Variants in ACSM5 observed in about 807,000 individuals in gnomAD.
ACSM5 encodes the protein acyl-coenzyme A synthetase ACSM5, mitochondrial.
A neutral mutation model predicts 71.6 loss-of-function variants in ACSM5; 56 were observed. The ratio of observed to expected loss-of-function variants is 0.78; its 90% CI spans 0.63 to 0.98. The LOEUF is 0.98. ACSM5 is among the 50% of genes least tolerant of loss of function. ACSM5 has a pLI of 0.00. For missense variants in ACSM5, 723 were observed against 726.0 expected (o/e 1.00, Z 0.05); for synonymous variants, 285 against 281.5 (o/e 1.01, Z -0.12).
chr16:20,418,909 G>T (rs186913049), intron 3 of ACSM5, among the ~76,000 whole-genome samples: 1 of 152,166 alleles, frequency 6.6e-6, no homozygotes, highest in Non-Finnish European at 1.5e-5. Context: ...CTTGCAGGAG[G>T]TTAGGGGGAC....
chr16:20,414,336 T>TCCTGG (rs1340672698), intron 2 of ACSM5, among the ~76,000 whole-genome samples: 1 of 152,122 alleles, frequency 6.6e-6, no homozygotes, highest in African/African-American at 2.4e-5. Flanking sequence ...TAAGGTACCC[T>TCCTGG]ATGAGAAGGC....
At chr16:20,421,615 CTATATATATATATATA>C (rs59443556) in intron 5 of ACSM5, among the ~76,000 whole-genome samples, 26 of 105,816 alleles carry the variant, frequency 2.5e-4, no homozygotes, top group Admixed American at 6.0e-4. Flanking sequence ...TAAATCGTGG[CTATATATATATATATA>C]TATATATATA....
At chr16:20,436,112 T>TTCTTTCTCTC (rs371412424) in intron 10 of ACSM5, among the ~76,000 whole-genome samples, 1 of 141,516 alleles carries the variant, frequency 7.1e-6, no homozygotes, top group Non-Finnish European at 1.5e-5. Flanking sequence ...TTCTTTCTTT[T>TTCTTTCTCTC]TCTCTTTCTT....
Position 20,423,950 on chromosome 16 carries a change from T to G in ACSM5, c.802T>G (p.Trp268Gly), listed in dbSNP as rs1567343268. ...WVALTESDIF[W>G]NTTDTGWVKA... The stretch of plus-strand genomic sequence containing the variant: ...GGCCTTGACCGAATCTGACATCTTC[T>G]GGAACACGACTGACACTGGCTGGGT... Residue 268 changes from tryptophan to glycine, a missense_variant, in exon 6 of 14, where the codon TGG (tryptophan) becomes GGG (glycine). By Grantham distance (184) the Trp-to-Gly change is radical. Transcript: ENST00000331849. 1.2e-6 allele frequency: 2 copies of G among 1,614,208 alleles called. No homozygotes were observed. The highest frequency in any genetic ancestry group is 1.7e-6 in the Non-Finnish European group (2 of 1,180,016).
At chr16:20,419,096 A>G (rs942129668) in intron 3 of ACSM5, 132 bp from the exon 4 acceptor site, 7 of 725,210 alleles carry the variant, frequency 9.7e-6, no homozygotes, top group Admixed American at 4.8e-5. Context: ...TTAGGCTGTT[A>G]TTATTATTAT....
At position 20,418,084 on chromosome 16, in the gene ACSM5, C is replaced by A. The variant is rs771749222; in HGVS notation, c.230C>A (p.Ala77Asp). 1.2e-6 allele frequency: 2 copies of A among 1,613,792 alleles called. No individual in the cohort carries two copies. Among genetic ancestry groups the A allele is most frequent in the East Asian group, 4.5e-5 (2 of 44,878 alleles). ...EEAGHRPPNPAFWWVNGTGAE... is the reference protein window; with the variant it reads ...EEAGHRPPNPDFWWVNGTGAE... ...GCTGGACACCGCCCCCCAAATCCTG[C>A]CTTCTGGTGGGTCAATGGCACAGGA... is the stretch of plus-strand genomic sequence containing the variant. The change falls in exon 3 of 14, where the codon GCC becomes GAC. Residue 77 changes from alanine (A) to aspartate (D), a missense_variant. Transcript: ENST00000331849.
chr16:20,426,589 A>G (rs148153141), intron 6 of ACSM5, among the ~76,000 whole-genome samples: 2,184 of 152,366 alleles, frequency 0.014, 30 homozygotes, highest in Middle Eastern at 0.041. Flanking sequence ...AAGGAAGGAC[A>G]TCTTGTTGTA....
chr16:20,436,046 T>G (rs1189981011), intron 10 of ACSM5, among the ~76,000 whole-genome samples: 1 of 151,020 alleles, frequency 6.6e-6, no homozygotes, highest in Non-Finnish European at 1.5e-5. Context: ...TCTTTCTTTC[T>G]CTTTCTTTCT....
intron 6 of ACSM5, among the ~76,000 whole-genome samples, chr16:20,425,796 A>G (rs2141651936): frequency 6.6e-6 from 1 of 151,976 alleles, no homozygotes; most frequent in South Asian, 2.1e-4. Flanking sequence ...TCCATTATAT[A>G]TATTTATATA....
At chr16:20,436,649 G>C (rs937457925) in intron 10 of ACSM5, among the ~76,000 whole-genome samples, 110 of 152,186 alleles carry the variant, frequency 7.2e-4, no homozygotes, top group South Asian at 1.7e-3. Flanking sequence ...GGATTATAGG[G>C]ATGAGCCACC....
chr16:20,421,436 A>T (rs1222164123), intron 5 of ACSM5, 35 bp downstream of exon 5: 2 of 1,532,386 alleles, frequency 1.3e-6, no homozygotes, highest in Non-Finnish European at 1.8e-6. Context: ...ATCCAAGAAC[A>T]GAAAGTGGGG....
At chr16:20,414,360 T>C (rs1047805474) in intron 2 of ACSM5, among the ~76,000 whole-genome samples, 1 of 152,018 alleles carries the variant, frequency 6.6e-6, no homozygotes, top group African/African-American at 2.4e-5. Context: ...AGGGTCAGAG[T>C]CAGAGAAGGA....
rs1966877956 is a variant in ACSM5 at position 20,421,288 on chromosome 16, G to A, written c.654G>A (p.Arg218=). The A allele has an allele frequency of 6.2e-7, 1 of 1,606,052 alleles. No individual in the cohort carries two copies. The highest frequency in any genetic ancestry group is 8.5e-7 in the Non-Finnish European group (1 of 1,175,574). Residue 218 remains arginine, a synonymous_variant, in exon 5 of 14, where the codon AGG becomes AGA. Transcript: ENST00000331849. ...REASTEHNCM[R]TKSRDPLAIY... is the part of the protein sequence containing the mutation. Reference sequence around the variant, plus strand: ...CTTCTACAGAGCACAACTGCATGAGGACAAAGAGTCGAGACCCGCTGGCCA... The same window carrying A: ...CTTCTACAGAGCACAACTGCATGAGAACAAAGAGTCGAGACCCGCTGGCCA...
At position 20,439,815 on chromosome 16, in the gene ACSM5, A is replaced by G. The variant is rs770975739; in HGVS notation, c.1552A>G (p.Ile518Val). ...PIRGEVVKAF[I>V]VLTPAYSSHD... ...TTTCCTGCAGGTGGTAAAGGCATTT[A>G]TAGTCCTTACTCCAGCCTACTCCTC... Residue 518 changes from isoleucine (I) to valine (V), a missense_variant, in exon 13 of 14, where the codon ATA (isoleucine) becomes GTA (valine). By Grantham distance (29) the Ile-to-Val change is conservative (BLOSUM62 3). Transcript: ENST00000331849. The G allele has an allele frequency of 1.3e-6, 2 of 1,599,356 alleles. No homozygotes were observed. Among genetic ancestry groups the G allele is most frequent in the African/African-American group, 1.3e-5 (1 of 74,670 alleles).
rs574033726 is a variant in ACSM5 at position 20,419,179 on chromosome 16, C to A, written c.416-49C>A. The A allele has an allele frequency of 8.8e-6, 14 of 1,591,622 alleles. No homozygotes were observed. In the East Asian group the frequency reaches 2.9e-4, roughly 33 times the overall value. On this transcript the variant is annotated intron_variant, in intron 3 of 13. Coordinates refer to ENST00000331849, the MANE Select transcript of ACSM5 (RefSeq NM_017888.3). ...TGCCTTCATCTCTTACCTCTATACC[C>A]AAGGCCTTCCCCGCTATCCACTCAA...
At chr16:20,421,180 ATTG>A in intron 4 of ACSM5, 75 bp from the exon 5 acceptor site, 1 of 1,450,670 alleles carries the variant, frequency 6.9e-7, no homozygotes, top group East Asian at 2.6e-5. Flanking sequence ...CGGTAGTCAT[ATTG>A]TTGTTACACA....
intron 1 of ACSM5, 99 bp from the exon 2 acceptor site, chr16:20,411,371 A>T: frequency 1.1e-6 from 1 of 891,996 alleles, no homozygotes. Flanking sequence ...TAAGGATCAC[A>T]GTCACCATCA....
chr16:20,418,664 A>T (rs1023414265), intron 3 of ACSM5, among the ~76,000 whole-genome samples: 1 of 152,220 alleles, frequency 6.6e-6, no homozygotes, highest in Non-Finnish European at 1.5e-5. Context: ...GGCATCTATC[A>T]TTTTAAAAAG....
intron 4 of ACSM5, chr16:20,419,874 C>T (rs1966870674): frequency 1.3e-5 from 3 of 236,048 alleles, no homozygotes; most frequent in Non-Finnish European, 2.5e-5. Context: ...TCACGACAAG[C>T]ATTGTGTTTG....
Sources: allele counts gnomAD v4.1 joint callset (sites outside exome capture counted in the v4.1 genomes callset), GRCh38; gene constraint gnomAD v4.1.1; transcripts MANE v1.5; gene names NCBI Gene and HGNC (gene_info 2026-07-23, HGNC 2026-07-21).